Variants in NTRK3 observed in about 807,000 individuals in gnomAD.
NTRK3 encodes NT-3 growth factor receptor.
Under a neutral mutation model 91.7 loss-of-function variants are expected in NTRK3, and 24 were observed. The ratio of observed to expected loss-of-function variants is 0.26; its 90% confidence interval spans 0.19 to 0.37. The LOEUF (loss-of-function observed/expected upper bound fraction) is 0.37. Ranked by LOEUF, NTRK3 falls within the 10% of genes least tolerant of loss-of-function variation. The pLI, the probability that NTRK3 is intolerant of heterozygous loss-of-function variation, is 1.00. For synonymous variants in NTRK3, 483 were observed against 404.0 expected, an observed-to-expected ratio of 1.20 and a Z score of -2.34; for missense variants, 880 against 1,068.9, an observed-to-expected ratio of 0.82 and a Z score of 2.46.
chr15:88,150,478 T>G (rs931786143), intron 5 of NTRK3, among the ~76,000 whole-genome samples: 4 of 152,142 alleles, frequency 2.6e-5, no homozygotes, highest in African/African-American at 9.7e-5. Flanking sequence ...AAGGGGGAAG[T>G]GGGCTCCTAC....
At position 88,118,312 on chromosome 15, in the gene NTRK3, G is replaced by A. The variant is rs900911273; in HGVS notation, c.1396+7959C>T. Among the ~76,000 whole-genome samples the A allele has an allele frequency of 3.8e-4, 58 of 152,080 alleles. No individual in the cohort carries two copies. The South Asian group carries it at 4.2e-3, about 11-fold the overall frequency. ...AAGCCTATCATCATGCCTCTTCCGCGCAAGTGAAAGCTTCCAAGACCCAGA... is the reference window on the plus strand; with the variant it reads ...AAGCCTATCATCATGCCTCTTCCGCACAAGTGAAAGCTTCCAAGACCCAGA... On this transcript the variant is annotated intron_variant, in intron 13 of 18. Coordinates refer to ENST00000394480, the Ensembl canonical transcript of NTRK3.
chr15:87,984,437 T>C (rs1052771949), intron 14 of NTRK3, among the ~76,000 whole-genome samples: 2 of 152,246 alleles, frequency 1.3e-5, no homozygotes, highest in African/African-American at 4.8e-5. Context: ...TCCTTGGGTG[T>C]AGTTATCGCT....
At chr15:88,075,518 C>T (rs968570840) in intron 13 of NTRK3, among the ~76,000 whole-genome samples, 3 of 152,002 alleles carry the variant, frequency 2.0e-5, no homozygotes, top group Admixed American at 6.6e-5. Flanking sequence ...TAAAGAGGAC[C>T]CCAGCAGAGC....
At chr15:88,059,849 AAC>A (rs1287682547) in intron 13 of NTRK3, among the ~76,000 whole-genome samples, 4 of 152,242 alleles carry the variant, frequency 2.6e-5, no homozygotes, top group African/African-American at 9.6e-5. Context: ...GGCAAGCCCT[AAC>A]CCAATGTCAC....
intron 13 of NTRK3, among the ~76,000 whole-genome samples, chr15:88,106,053 G>T (rs552024158): frequency 1.3e-5 from 2 of 152,228 alleles, no homozygotes; most frequent in Non-Finnish European, 2.9e-5. Flanking sequence ...GTATGTGTGC[G>T]TATGTTCAAG....
intron 13 of NTRK3, among the ~76,000 whole-genome samples, chr15:88,116,858 T>C (rs902992670): frequency 2.2e-4 from 34 of 152,202 alleles, no homozygotes; most frequent in African/African-American, 8.2e-4. Context: ...CTCAGAGAAA[T>C]TGCTTGTACC....
intron 3 of NTRK3, among the ~76,000 whole-genome samples, chr15:88,199,366 T>C (rs1368031133): frequency 6.6e-6 from 1 of 152,178 alleles, no homozygotes; most frequent in African/African-American, 2.4e-5. Context: ...TCCATGATCC[T>C]TGGGGCAGGG....
At chr15:88,198,358 G>A (rs2048010849) in intron 3 of NTRK3, among the ~76,000 whole-genome samples, 2 of 152,170 alleles carry the variant, frequency 1.3e-5, no homozygotes, top group Non-Finnish European at 2.9e-5. Context: ...AGTGTCCTCT[G>A]AGCCATGGTG....
At chr15:87,869,840 G>GA (rs1257025696) in exon 19 of NTRK3, 7 of 194,420 alleles carry the variant, frequency 3.6e-5, no homozygotes, top group Admixed American at 1.2e-4. Context: ...CTCCAATGAG[G>GA]AAAAAAAATT....
chr15:88,066,183 A>G (rs1156671772), intron 13 of NTRK3, among the ~76,000 whole-genome samples: 1 of 152,154 alleles, frequency 6.6e-6, no homozygotes, highest in Non-Finnish European at 1.5e-5. Flanking sequence ...TCTATTCTCC[A>G]TAGTCCCTAA....
chr15:87,880,449 G>A (rs2141469858), intron 17 of NTRK3, 21 bp from the exon 19 acceptor site: 2 of 1,613,186 alleles, frequency 1.2e-6, no homozygotes, highest in South Asian at 1.1e-5. Flanking sequence ...TTGAGATAGA[G>A]GCACACAGAG....
chr15:88,110,841 C>T (rs2051263439), intron 13 of NTRK3, among the ~76,000 whole-genome samples: 1 of 152,092 alleles, frequency 6.6e-6, no homozygotes, highest in African/African-American at 2.4e-5. Context: ...ATTTTCATTT[C>T]AAAGTCCTGA....
intron 3 of NTRK3, among the ~76,000 whole-genome samples, chr15:88,197,118 A>C (rs899807167): frequency 9.9e-5 from 13 of 130,658 alleles, no homozygotes; most frequent in Non-Finnish European, 1.9e-4. Flanking sequence ...AAAAAAAAAA[A>C]AAAAAAAAAC....
At chr15:87,882,917 A>G (rs546286171) in intron 17 of NTRK3, among the ~76,000 whole-genome samples, 38 of 152,158 alleles carry the variant, frequency 2.5e-4, no homozygotes, top group Middle Eastern at 3.4e-3. Context: ...ACTAGAGACA[A>G]TAAGTACAAA....
chr15:87,929,464 CAG>C, intron 16 of NTRK3, 30 bp from the exon 17 acceptor site: 1 of 1,611,520 alleles, frequency 6.2e-7, no homozygotes. Context: ...AGAGAGGGGG[CAG>C]AGAGAAATCA....
At chr15:88,137,916 T>G (rs1230585607) in intron 6 of NTRK3, among the ~76,000 whole-genome samples, 1 of 152,098 alleles carries the variant, frequency 6.6e-6, no homozygotes, top group Non-Finnish European at 1.5e-5. Flanking sequence ...CCGTGCGTGG[T>G]GGCGCACGCC....
At chr15:88,116,480 C>A (rs987251297) in intron 13 of NTRK3, among the ~76,000 whole-genome samples, 12 of 151,818 alleles carry the variant, frequency 7.9e-5, no homozygotes, top group African/African-American at 2.9e-4. Flanking sequence ...ATCTTATAGT[C>A]ACAAAATCCC....
chr15:88,154,284 G>C (rs955388914), intron 5 of NTRK3, among the ~76,000 whole-genome samples: 21 of 152,092 alleles, frequency 1.4e-4, no homozygotes, highest in Non-Finnish European at 2.8e-4. Context: ...GGAGCTGTTA[G>C]GGGGCTGCCG....
chr15:88,005,584 C>T (rs2141682187), intron 14 of NTRK3, among the ~76,000 whole-genome samples: 1 of 152,240 alleles, frequency 6.6e-6, no homozygotes, highest in East Asian at 1.9e-4. Context: ...ACTTTAGACT[C>T]CATGCATGGA....
Sources: gnomAD v4.1 joint callset for allele counts (sites outside exome capture counted in the v4.1 genomes callset) on GRCh38, gnomAD v4.1.1 for gene constraint, MANE v1.5 for transcripts, NCBI Gene and HGNC (gene_info 2026-07-23, HGNC 2026-07-21) for gene names.